The following DEPDC5 variants were observed in gnomAD, a reference collection of about 807,000 sequenced individuals.
DEPDC5 encodes GATOR1 complex protein DEPDC5.
In DEPDC5, 73 loss-of-function variants were observed where a neutral mutation model predicts 217.3. The observed-to-expected ratio is 0.34, with a 90% confidence interval of 0.28 to 0.41. The LOEUF is 0.41. DEPDC5 is among the 10% of genes least tolerant of loss of function. The pLI, the probability that DEPDC5 is intolerant of heterozygous loss-of-function variation, is 1.00. For missense variants in DEPDC5, 1,675 were observed against 2,070.1 expected (o/e 0.81, Z 3.70); for synonymous variants, 733 against 756.7 (o/e 0.97, Z 0.51).
intron 3 of DEPDC5, among the ~76,000 whole-genome samples, chr22:31,759,114 T>C (rs2082167802): frequency 6.6e-6 from 1 of 152,168 alleles, no homozygotes; most frequent in Non-Finnish European, 1.5e-5. Context: ...GCATTTTTGG[T>C]AGAGACAGGG....
intron 33 of DEPDC5, among the ~76,000 whole-genome samples, chr22:31,866,649 G>A (rs962167106): frequency 3.3e-5 from 5 of 152,212 alleles, no homozygotes; most frequent in Admixed American, 2.0e-4. Flanking sequence ...CTCCCAAAGT[G>A]CTGCGATTAC....
chr22:31,871,767 G>C (rs1569163018), intron 34 of DEPDC5, among the ~76,000 whole-genome samples: 1 of 152,210 alleles, frequency 6.6e-6, no homozygotes, highest in South Asian at 2.1e-4. Flanking sequence ...AAATGACATG[G>C]CAGGTAGAAT....
At chr22:31,851,335 T>TG (rs1375758729) in intron 31 of DEPDC5, among the ~76,000 whole-genome samples, 1 of 152,104 alleles carries the variant, frequency 6.6e-6, no homozygotes, top group African/African-American at 2.4e-5. Context: ...TGTGGTGTCA[T>TG]GGGAGGTGGG....
intron 21 of DEPDC5, chr22:31,815,825 G>T: frequency 2.5e-6 from 3 of 1,197,366 alleles, no homozygotes; most frequent in Admixed American, 4.1e-5. Flanking sequence ...CAATGTTACC[G>T]CACCCTGCCT....
At chr22:31,821,916 AC>A (rs2089731356) in intron 23 of DEPDC5, among the ~76,000 whole-genome samples, 2 of 152,200 alleles carry the variant, frequency 1.3e-5, no homozygotes, top group South Asian at 4.2e-4. Context: ...GTTTTTCTAA[AC>A]CTCAGTCAAA....
intron 13 of DEPDC5, 136 bp downstream of exon 13, chr22:31,797,839 C>T: frequency 1.5e-6 from 1 of 685,754 alleles, no homozygotes. Flanking sequence ...GTTCTGTTTC[C>T]AGTTGGATCC....
chr22:31,855,953 G>C (rs1267795083), intron 31 of DEPDC5, among the ~76,000 whole-genome samples: 3 of 152,066 alleles, frequency 2.0e-5, no homozygotes, highest in Non-Finnish European at 4.4e-5. Flanking sequence ...TGCAAATTGG[G>C]TTCTCAGGGA....
chr22:31,812,524 G>A (rs1289558742), intron 20 of DEPDC5, among the ~76,000 whole-genome samples: 2 of 141,184 alleles, frequency 1.4e-5, no homozygotes, highest in African/African-American at 2.7e-5. Flanking sequence ...TCCCAGCTTC[G>A]CACCATTCTT....
intron 37 of DEPDC5, among the ~76,000 whole-genome samples, chr22:31,877,428 C>T: frequency 9.8e-6 from 1 of 102,224 alleles, no homozygotes. Flanking sequence ...CAGAGTGAGA[C>T]TCCATCTCAA....
At chr22:31,755,488 G>C (rs1388176909) in intron 2 of DEPDC5, 1 of 153,218 alleles carries the variant, frequency 6.5e-6, no homozygotes, top group African/African-American at 2.4e-5. Flanking sequence ...TGGTGACCTT[G>C]GGCAAGCTCC....
At chr22:31,860,745 CCT>C (rs1367623590) in intron 32 of DEPDC5, among the ~76,000 whole-genome samples, 2 of 151,860 alleles carry the variant, frequency 1.3e-5, no homozygotes, top group Admixed American at 1.3e-4. Flanking sequence ...TTCTGTATCC[CCT>C]GTTTGCTAAA....
rs369403922 is a variant in DEPDC5 at position 31,778,172 on chromosome 22, A to G, written c.483+4A>G. ...CTACATCAGTGAAGATACCAGGGTA[A>G]GATTTATAAAATGCTTTTTTGGTTT... On this transcript the variant is annotated splice_donor_region_variant and intron_variant, in intron 8 of 42. Transcript: ENST00000651528. The G allele has an allele frequency of 1.9e-6, 3 of 1,613,924 alleles. No homozygotes were observed. In the African/African-American group the frequency reaches 4.0e-5, roughly 22 times the overall value.
chr22:31,833,987 G>T lies in DEPDC5; in HGVS notation c.2170+7G>T. 1.9e-6 allele frequency: 3 copies of T among 1,613,578 alleles called. No homozygotes were observed. The highest frequency in any genetic ancestry group is 1.1e-5 in the South Asian group (1 of 91,066). On this transcript the variant is annotated splice_region_variant and intron_variant, in intron 25 of 42. Transcript: ENST00000651528. ...TCTACCTCTCCAGACCCAAGTAAGA[G>T]GGGGCAGCTGACTGGGGAAAGGGGT...
intron 10 of DEPDC5, among the ~76,000 whole-genome samples, chr22:31,789,349 T>C (rs1796966767): frequency 6.6e-6 from 1 of 152,218 alleles, no homozygotes; most frequent in South Asian, 2.1e-4. Flanking sequence ...TAGATGAATC[T>C]TGAACACATG....
intron 6 of DEPDC5, among the ~76,000 whole-genome samples, chr22:31,767,780 T>A (rs2082948618): frequency 6.6e-6 from 1 of 151,480 alleles, no homozygotes; most frequent in Admixed American, 6.6e-5. Context: ...AGAGTCTCGC[T>A]CTGTCACCCA....
At position 31,845,228 on chromosome 22, in the gene DEPDC5, C is replaced by T. The variant is rs1358649304; in HGVS notation, c.3012C>T (p.Arg1004=). Residue 1004 remains arginine, a synonymous_variant, in exon 30 of 43, where the codon CGC becomes CGT. Transcript: ENST00000651528. ...NRIRRRHRSD[R]MMRKGTAMKG... is the part of the protein sequence containing the mutation. ...TTCGCAGGCGGCATCGCTCGGATCG[C>T]ATGATGCGGGTAAGGGCTCCTTAGA... 6.2e-7 allele frequency: 1 copy of T among 1,613,688 alleles called. No individual in the cohort carries two copies. The highest frequency in any genetic ancestry group is 1.3e-5 in the African/African-American group (1 of 75,050).
chr22:31,820,768 AAC>A (rs891901004), intron 22 of DEPDC5, among the ~76,000 whole-genome samples: 1 of 152,188 alleles, frequency 6.6e-6, no homozygotes, highest in Non-Finnish European at 1.5e-5. Context: ...ATATTCTGCA[AAC>A]AGTTTGCTTC....
intron 24 of DEPDC5, among the ~76,000 whole-genome samples, chr22:31,828,474 A>C (rs957230074): frequency 4.9e-4 from 72 of 146,540 alleles, no homozygotes; most frequent in Non-Finnish European, 8.3e-4. Flanking sequence ...AAAAAAAAAA[A>C]CAGTTCCTGG....
rs200841588 is a variant in DEPDC5, at chr22:31,836,993, C to A, written c.2192C>A (p.Pro731His). ...GCAGTTCTGACACTGTCTGCTCCCC[C>A]TGTAGTGCCAGGCTTCTGTTGCACA... ...PDPILTLSAP[P>H]VVPGFCCTVG... Residue 731 changes from proline to histidine, a missense_variant, in exon 26 of 43, where the codon CCT (proline) becomes CAT (histidine). Pro to His is a moderately conservative substitution (Grantham distance 77). This residue lies in a region of DEPDC5 where 136 missense variants were observed against 132.2 expected (regional missense o/e 1.03). Transcript: ENST00000651528. 3 of 1,614,126 alleles carry A rather than the reference C, an allele frequency of 1.9e-6. No homozygotes were observed. Among genetic ancestry groups the A allele is most frequent in the Non-Finnish European group, 2.5e-6 (3 of 1,180,026 alleles).
Sources: gnomAD v4.1 joint callset for allele counts (sites outside exome capture counted in the v4.1 genomes callset) on GRCh38, gnomAD v4.1.1 for gene constraint, gnomAD v4.1.1 regional missense constraint, MANE v1.5 for transcripts, NCBI Gene and HGNC (gene_info 2026-07-23, HGNC 2026-07-21) for gene names.